The following TOX3 variants were observed in gnomAD, a reference collection of about 807,000 sequenced individuals.
TOX3 encodes TOX high mobility group box family member 3.
A neutral mutation model predicts 64.3 loss-of-function variants in TOX3; 22 were observed. The ratio of observed to expected loss-of-function variants is 0.34; its 90% CI spans 0.24 to 0.49. The LOEUF (loss-of-function observed/expected upper bound fraction) is 0.49, where lower values mean the gene tolerates loss of function less well. Ranked by LOEUF, TOX3 falls within the 20% of genes least tolerant of loss-of-function variation. The pLI is 0.99. For missense variants in TOX3, 661 were observed against 714.4 expected (o/e 0.93, Z 0.85); for synonymous variants, 291 against 273.6 (o/e 1.06, Z -0.63).
chr16:52,493,509 T>C (rs1033395239), intron 1 of TOX3, among the ~76,000 whole-genome samples: 2 of 152,192 alleles, frequency 1.3e-5, no homozygotes, highest in East Asian at 3.9e-4. Flanking sequence ...TTATGCCAAA[T>C]ATCATCTGAA....
Position 52,539,651 on chromosome 16 carries a change from A to G in TOX3, c.87+6986T>C, listed in dbSNP as rs1963033027. Among the ~76,000 whole-genome samples the G allele has an allele frequency of 2.6e-5, 4 of 152,196 alleles. No individual in the cohort carries two copies. In the South Asian group the frequency reaches 8.3e-4, roughly 32 times the overall value. ...TTCATTCATCTGCTTTACTACAAAC[A>G]GAAAGACTCCATCTTTGGTTGTTCA... On this transcript the variant is annotated intron_variant, in intron 1 of 6. Coordinates refer to ENST00000219746, the MANE Select transcript of TOX3 (RefSeq NM_001080430.4).
intron 1 of TOX3, among the ~76,000 whole-genome samples, chr16:52,531,547 G>A (rs1462185298): frequency 6.6e-6 from 1 of 152,170 alleles, no homozygotes; most frequent in Non-Finnish European, 1.5e-5. Flanking sequence ...AAGTTTAATA[G>A]CTATGCATTT....
At chr16:52,502,210 A>C (rs1390939213) in intron 1 of TOX3, among the ~76,000 whole-genome samples, 1 of 152,196 alleles carries the variant, frequency 6.6e-6, no homozygotes, top group East Asian at 1.9e-4. Flanking sequence ...CAAAAATAAA[A>C]GCTATGGCCA....
Position 52,439,447 on chromosome 16 carries a change from TTGA to T in TOX3, c.1506_1508del (p.Asn502_Gln503delinsLys). 1.3e-6 allele frequency: 2 copies of T among 1,494,048 alleles called. No individual in the cohort carries two copies. Among genetic ancestry groups the T allele is most frequent in the Non-Finnish European group, 1.8e-6 (2 of 1,093,838 alleles). The allele number at this position is 1,494,048 out of a possible 1,614,324, so 92.5% of individuals were successfully genotyped here. On this transcript the variant is annotated inframe_deletion, in exon 7 of 7. Coordinates refer to ENST00000219746, the MANE Select transcript of TOX3 (RefSeq NM_001080430.4). Reference sequence around the variant, plus strand: ...GCTGCAGCTGCTGCTGCAGCTGCTGTTGATTAATTTGCTGCTGGAGATGCTGCT... The same window carrying T: ...GCTGCAGCTGCTGCTGCAGCTGCTGTTTAATTTGCTGCTGGAGATGCTGCT...
intron 1 of TOX3, among the ~76,000 whole-genome samples, chr16:52,483,861 C>T (rs1396829610): frequency 6.6e-6 from 1 of 152,146 alleles, no homozygotes; most frequent in East Asian, 1.9e-4. Flanking sequence ...AGAGGAGCCA[C>T]AGGGCAGTAT....
chr16:52,488,700 T>C (rs1961594500), intron 1 of TOX3, among the ~76,000 whole-genome samples: 1 of 152,184 alleles, frequency 6.6e-6, no homozygotes, highest in African/African-American at 2.4e-5. Flanking sequence ...AAAATTGTCC[T>C]CAAATCTATG....
intron 1 of TOX3, among the ~76,000 whole-genome samples, chr16:52,534,776 A>C (rs1962915636): frequency 6.6e-6 from 1 of 152,182 alleles, no homozygotes; most frequent in Non-Finnish European, 1.5e-5. Context: ...TTTTTAAAAA[A>C]CTGGTTTTTA....
At chr16:52,499,850 C>T (rs1329767658) in intron 1 of TOX3, among the ~76,000 whole-genome samples, 1 of 152,196 alleles carries the variant, frequency 6.6e-6, no homozygotes, top group Admixed American at 6.5e-5. Context: ...GGATGCAAAG[C>T]TCTTTATAAA....
chr16:52,479,827 C>T (rs1027960924), intron 1 of TOX3, among the ~76,000 whole-genome samples: 1 of 152,186 alleles, frequency 6.6e-6, no homozygotes, highest in Non-Finnish European at 1.5e-5. Context: ...CAACTTAGCT[C>T]TCATCTGCCA....
chr16:52,513,171 A>G (rs1393584897), intron 1 of TOX3, among the ~76,000 whole-genome samples: 3 of 152,214 alleles, frequency 2.0e-5, no homozygotes, highest in African/African-American at 7.2e-5. Flanking sequence ...AAAGAACAAT[A>G]TTAAGGGCAT....
intron 1 of TOX3, among the ~76,000 whole-genome samples, chr16:52,545,829 GCT>G (rs905920381): frequency 6.6e-6 from 1 of 152,120 alleles, no homozygotes; most frequent in African/African-American, 2.4e-5. Context: ...CGCCCGCCTC[GCT>G]GCTCCGAGCG....
intron 1 of TOX3, among the ~76,000 whole-genome samples, chr16:52,521,108 C>T (rs772317683): frequency 8.9e-4 from 136 of 152,314 alleles, no homozygotes; most frequent in Non-Finnish European, 1.0e-3. Context: ...CTCTCTCTCT[C>T]TTCCCCTATA....
chr16:52,502,517 T>C (rs1372225606), intron 1 of TOX3, among the ~76,000 whole-genome samples: 3 of 152,180 alleles, frequency 2.0e-5, no homozygotes, highest in African/African-American at 7.2e-5. Context: ...AAAATTACCA[T>C]TGATCCAGGT....
At chr16:52,529,188 C>T (rs943142599) in intron 1 of TOX3, among the ~76,000 whole-genome samples, 1 of 152,148 alleles carries the variant, frequency 6.6e-6, no homozygotes, top group African/African-American at 2.4e-5. Flanking sequence ...ACTAATTTTC[C>T]TGTTTTCATC....
intron 1 of TOX3, among the ~76,000 whole-genome samples, chr16:52,482,513 G>T (rs1961395696): frequency 6.6e-6 from 1 of 152,230 alleles, no homozygotes; most frequent in South Asian, 2.1e-4. Flanking sequence ...AGATGTAAAA[G>T]TTCTTAAAAC....
At chr16:52,501,632 C>A (rs1962003645) in intron 1 of TOX3, among the ~76,000 whole-genome samples, 1 of 151,674 alleles carries the variant, frequency 6.6e-6, no homozygotes, top group African/African-American at 2.4e-5. Flanking sequence ...TGCACTCCAG[C>A]CTGGGTGACA....
intron 1 of TOX3, among the ~76,000 whole-genome samples, chr16:52,534,314 G>A (rs1199440904): frequency 6.6e-6 from 1 of 152,116 alleles, no homozygotes; most frequent in Non-Finnish European, 1.5e-5. Flanking sequence ...AAGCATAGCT[G>A]ACAAGTCCTC....
rs536200210 is a variant in TOX3, at chr16:52,463,923, G to A, written c.408+11C>T. 2 of 1,491,214 alleles carry A rather than the reference G, an allele frequency of 1.3e-6. No individual in the cohort carries two copies. The highest frequency in any genetic ancestry group is 4.9e-5 in the East Asian group (2 of 41,096). 92.4% of individuals were successfully genotyped at this position (1,491,214 alleles called of 1,614,324 possible). A position where few individuals can be genotyped will look rare whatever the true frequency, so the allele number is the denominator to read the frequency against. On this transcript the variant is annotated intron_variant, in intron 3 of 6. Transcript: ENST00000219746. The stretch of plus-strand genomic sequence containing the variant: ...ATAAAAAATAATTTAAGTAATAAAT[G>A]TGGTGCCTACCATATGCAACCCACT...
At chr16:52,460,743 C>T (rs1960663489) in intron 3 of TOX3, among the ~76,000 whole-genome samples, 1 of 152,010 alleles carries the variant, frequency 6.6e-6, no homozygotes, top group African/African-American at 2.4e-5. Flanking sequence ...ATGTTGAATG[C>T]TGGCAAAGGC....
Sources: allele counts gnomAD v4.1 joint callset (sites outside exome capture counted in the v4.1 genomes callset), GRCh38; gene constraint gnomAD v4.1.1; transcripts MANE v1.5; gene names NCBI Gene and HGNC (gene_info 2026-07-23, HGNC 2026-07-21).